WDR89: variants seen among roughly 807,000 people sequenced by gnomAD.
WDR89 encodes WD repeat domain 89.
Under a neutral mutation model 29.1 loss-of-function variants are expected in WDR89, and 17 were observed. The ratio of observed to expected loss-of-function variants is 0.58; its 90% CI spans 0.40 to 0.88. The LOEUF (loss-of-function observed/expected upper bound fraction) is 0.88, where lower values mean the gene tolerates loss of function less well. Ranked by LOEUF, WDR89 falls within the 40% of genes least tolerant of loss-of-function variation. The pLI is 0.00. For synonymous variants in WDR89, 138 were observed against 157.8 expected, an observed-to-expected ratio of 0.87 and a Z score of 0.94; for missense variants, 396 against 456.3, an observed-to-expected ratio of 0.87 and a Z score of 1.20.
At chr14:63,606,955 T>C (rs1002201430) in intron 2 of WDR89, among the ~76,000 whole-genome samples, 4 of 152,184 alleles carry the variant, frequency 2.6e-5, no homozygotes, top group East Asian at 1.9e-4. Context: ...TGTTAAGCTA[T>C]TGATCTTCTA....
At chr14:63,608,864 G>T (rs1455704458) in intron 2 of WDR89, among the ~76,000 whole-genome samples, 1 of 152,228 alleles carries the variant, frequency 6.6e-6, no homozygotes, top group Admixed American at 6.5e-5. Context: ...AGTGCTTTGG[G>T]AGGCTGAGGT....
Position 63,599,926 on chromosome 14 carries a change from T to C in WDR89, c.17A>G (p.Glu6Gly). 3.8e-6 allele frequency: 6 copies of C among 1,598,336 alleles called. No homozygotes were observed. Among genetic ancestry groups the C allele is most frequent in the Non-Finnish European group, 4.3e-6 (5 of 1,169,880 alleles). MEKIEEQFANLHIVKC... is the reference protein window; with the variant it reads MEKIEGQFANLHIVKC... Reference sequence around the variant, plus strand: ...AACAATGTGCAGATTAGCAAATTGTTCCTCAATCTTTTCCATGTCAACAGC... The same window carrying C: ...AACAATGTGCAGATTAGCAAATTGTCCCTCAATCTTTTCCATGTCAACAGC... The change falls in exon 3 of 3, where the codon GAA becomes GGA. Residue 6 changes from glutamate (E) to glycine (G), a missense_variant. Glu to Gly is a moderately conservative substitution (Grantham distance 98). Coordinates refer to ENST00000620954, the MANE Select transcript of WDR89 (RefSeq NM_080666.4).
chr14:63,627,168 T>A (rs930927925), intron 1 of WDR89, among the ~76,000 whole-genome samples: 13 of 148,622 alleles, frequency 8.7e-5, no homozygotes, highest in Non-Finnish European at 1.4e-4. Context: ...TCTCTCTCTC[T>A]CTCTCTCTCT....
At chr14:63,622,987 C>T (rs1309181365) in intron 2 of WDR89, among the ~76,000 whole-genome samples, 2 of 150,946 alleles carry the variant, frequency 1.3e-5, no homozygotes, top group African/African-American at 4.9e-5. Flanking sequence ...GTCACTTCGA[C>T]CTAGGAGTTC....
Position 63,598,480 on chromosome 14 carries a change from T to A in WDR89, c.*299A>T. The A allele has an allele frequency of 4.8e-6, 1 of 207,498 alleles. No homozygotes were observed. The highest frequency in any genetic ancestry group is 9.5e-6 in the Non-Finnish European group (1 of 105,446). The allele number at this position is 207,498 out of a possible 1,614,324, so 12.9% of individuals were successfully genotyped here. A position where few individuals can be genotyped will look rare whatever the true frequency, so the allele number is the denominator to read the frequency against. On this transcript the variant is annotated 3_prime_UTR_variant, in exon 3 of 3. Coordinates refer to ENST00000620954, the MANE Select transcript of WDR89 (RefSeq NM_080666.4). ...CTGTTTTATTAAGTTTTACCAAGTATTTCCTTCTAAAAAGTCCTTATCGGA... is the reference window on the plus strand; with the variant it reads ...CTGTTTTATTAAGTTTTACCAAGTAATTCCTTCTAAAAAGTCCTTATCGGA...
intron 2 of WDR89, among the ~76,000 whole-genome samples, chr14:63,600,769 A>G (rs1008833485): frequency 2.1e-5 from 3 of 145,822 alleles, no homozygotes; most frequent in Non-Finnish European, 3.0e-5. Flanking sequence ...TCCCAAAAAT[A>G]TTCATGCCTT....
intron 2 of WDR89, among the ~76,000 whole-genome samples, chr14:63,609,107 T>C (rs1235474065): frequency 6.9e-6 from 1 of 145,698 alleles, no homozygotes; most frequent in African/African-American, 2.6e-5. Context: ...CAAAACTCCA[T>C]CTCAAAAAAA....
intron 2 of WDR89, among the ~76,000 whole-genome samples, chr14:63,615,241 T>G (rs1359364366): frequency 6.6e-6 from 1 of 152,212 alleles, no homozygotes; most frequent in Non-Finnish European, 1.5e-5. Context: ...GCCCAGAATC[T>G]TTCAACAAGA....
At chr14:63,601,415 G>C in intron 2 of WDR89, 1 of 782,218 alleles carries the variant, frequency 1.3e-6, no homozygotes, top group Non-Finnish European at 2.1e-6. Context: ...CTGTATGTAG[G>C]ACAAGTTCAA....
chr14:63,605,742 G>A (rs1352957820), intron 2 of WDR89, among the ~76,000 whole-genome samples: 1 of 152,168 alleles, frequency 6.6e-6, no homozygotes, highest in East Asian at 1.9e-4. Context: ...TTACAGGCAT[G>A]AGCCACCATG....
Position 63,599,870 on chromosome 14 carries a change from A to G in WDR89, c.73T>C (p.Tyr25His). 1 of 1,614,064 alleles carries G rather than the reference A, an allele frequency of 6.2e-7. No homozygotes were observed. The highest frequency in any genetic ancestry group is 1.1e-5 in the South Asian group (1 of 91,054). ...TTTGATGTGTCTATACCAAGAAGGT[A>G]AGTGGGCTCTTTGGTTCCTAAGGAA... ...KCSLGTKEPT[Y>H]LLGIDTSKTV... Residue 25 changes from tyrosine (Y) to histidine (H), a missense_variant, in exon 3 of 3, where the codon TAC becomes CAC. Coordinates refer to ENST00000620954, the MANE Select transcript of WDR89 (RefSeq NM_080666.4).
At chr14:63,640,350 C>T (rs1366933039) in intron 1 of WDR89, among the ~76,000 whole-genome samples, 1 of 152,158 alleles carries the variant, frequency 6.6e-6, no homozygotes, top group Non-Finnish European at 1.5e-5. Flanking sequence ...GTATTTATTT[C>T]AATTATACAG....
intron 2 of WDR89, among the ~76,000 whole-genome samples, chr14:63,620,522 A>C (rs530094801): frequency 6.6e-6 from 1 of 152,128 alleles, no homozygotes; most frequent in African/African-American, 2.4e-5. Context: ...TGGAAAGAGG[A>C]GTAAGTTCAA....
At chr14:63,631,219 T>C (rs1021141392) in intron 1 of WDR89, among the ~76,000 whole-genome samples, 1 of 152,172 alleles carries the variant, frequency 6.6e-6, no homozygotes, top group Non-Finnish European at 1.5e-5. Context: ...CCCAGAAATA[T>C]GTACATTATG....
intron 2 of WDR89, among the ~76,000 whole-genome samples, chr14:63,624,224 T>C (rs1882891105): frequency 6.6e-6 from 1 of 151,970 alleles, no homozygotes; most frequent in African/African-American, 2.4e-5. Flanking sequence ...TCCCAGCACT[T>C]TGGGAGGCCT....
chr14:63,599,198 G>A lies in WDR89; in HGVS notation c.745C>T (p.Leu249=), dbSNP rs866636439. 2.9e-5 allele frequency: 46 copies of A among 1,607,204 alleles called. No individual in the cohort carries two copies. The Middle Eastern group carries it at 4.9e-4, about 17-fold the overall frequency. The part of the protein sequence containing the change: ...EGFYWWDLNH[L]DTDEPVTRLN... Reference sequence around the variant, plus strand: ...CGTGTAACTGGTTCATCAGTGTCCAGATGATTAAGATCCCACCAATAAAAT... The same window carrying A: ...CGTGTAACTGGTTCATCAGTGTCCAAATGATTAAGATCCCACCAATAAAAT... Residue 249 remains leucine, a synonymous_variant, in exon 3 of 3, where the codon CTG becomes TTG. Coordinates refer to ENST00000620954, the MANE Select transcript of WDR89 (RefSeq NM_080666.4).
rs117968929 is a variant in WDR89, at chr14:63,605,799, C to T, written c.-31-5826G>A. ...ATCGTTATTTTAGAGTGGACTTTCT[C>T]TACTTATTGAAAGGAAGTTAACTGT... On this transcript the variant is annotated intron_variant, in intron 2 of 2. Transcript: ENST00000620954. Among the ~76,000 whole-genome samples the T allele has an allele frequency of 7.2e-4, 110 of 152,160 alleles. 2 individuals are homozygous for T. The East Asian group carries it at 0.012, about 17-fold the overall frequency.
chr14:63,624,431 C>A (rs1791361733), intron 2 of WDR89, among the ~76,000 whole-genome samples: 1 of 150,482 alleles, frequency 6.6e-6, no homozygotes. Flanking sequence ...TGCATCACTG[C>A]CACTTCAGCC....
At chr14:63,632,802 G>A (rs1020627919) in intron 1 of WDR89, among the ~76,000 whole-genome samples, 1 of 152,148 alleles carries the variant, frequency 6.6e-6, no homozygotes, top group African/African-American at 2.4e-5. Context: ...CCAAATGACA[G>A]CTAATATTAA....
Sources: allele counts gnomAD v4.1 joint callset (sites outside exome capture counted in the v4.1 genomes callset), GRCh38; gene constraint gnomAD v4.1.1; transcripts MANE v1.5; gene names NCBI Gene and HGNC (gene_info 2026-07-23, HGNC 2026-07-21).